Variants in SERPINB7 observed in about 807,000 individuals in gnomAD.
SERPINB7 encodes serpin family B member 7.
Under a neutral mutation model 37.4 loss-of-function variants are expected in SERPINB7, and 31 were observed. The ratio of observed to expected loss-of-function variants is 0.83; its 90% CI spans 0.62 to 1.12. SERPINB7 has a LOEUF of 1.12. Among genes scored for constraint, SERPINB7 ranks in the 50% most tolerant of loss-of-function variants. The pLI is 0.00. For synonymous variants in SERPINB7, 163 were observed against 166.1 expected, an observed-to-expected ratio of 0.98 and a Z score of 0.14; for missense variants, 521 against 455.3, an observed-to-expected ratio of 1.14 and a Z score of -1.31.
chr18:63,793,013 T>C (rs2049444972), intron 3 of SERPINB7, 148 bp from the exon 4 acceptor site: 1 of 423,270 alleles, frequency 2.4e-6, no homozygotes, highest in Non-Finnish European at 4.2e-6. Flanking sequence ...GGGTAAGACA[T>C]AGATGTATGT....
intron 2 of SERPINB7, among the ~76,000 whole-genome samples, chr18:63,787,821 C>A (rs1425574784): frequency 6.6e-6 from 1 of 152,290 alleles, no homozygotes; most frequent in East Asian, 1.9e-4. Context: ...CAGTCACAGT[C>A]CACATAATGA....
chr18:63,787,791 T>C (rs569098269), intron 2 of SERPINB7, among the ~76,000 whole-genome samples: 4 of 152,356 alleles, frequency 2.6e-5, no homozygotes, highest in South Asian at 4.1e-4. Flanking sequence ...CATGAATTAC[T>C]ACATTCTTTT....
intron 1 of SERPINB7, among the ~76,000 whole-genome samples, chr18:63,776,250 A>G (rs1247664168): frequency 1.3e-5 from 2 of 152,084 alleles, no homozygotes; most frequent in African/African-American, 4.8e-5. Context: ...CATACAATTT[A>G]ATAATAGAAC....
chr18:63,793,597 TG>T, intron 4 of SERPINB7, among the ~76,000 whole-genome samples: 1 of 152,162 alleles, frequency 6.6e-6, no homozygotes, highest in East Asian at 1.9e-4. Context: ...AAACACATTC[TG>T]GGTTCAAGCA....
At chr18:63,786,206 ACG>A (rs1461659697) in intron 2 of SERPINB7, among the ~76,000 whole-genome samples, 4 of 93,926 alleles carry the variant, frequency 4.3e-5, no homozygotes, top group African/African-American at 1.1e-4. Flanking sequence ...CATGGCACAT[ACG>A]TGTATATATA....
chr18:63,800,779 G>T, intron 6 of SERPINB7, 87 bp from the exon 7 acceptor site: 1 of 1,443,066 alleles, frequency 6.9e-7, no homozygotes, highest in South Asian at 1.4e-5. Context: ...AAAATTTATT[G>T]ACCAAGTACA....
At chr18:63,758,280 T>C (rs977183495) in intron 1 of SERPINB7, among the ~76,000 whole-genome samples, 1 of 152,180 alleles carries the variant, frequency 6.6e-6, no homozygotes, top group Non-Finnish European at 1.5e-5. Flanking sequence ...TAACTAATTA[T>C]GGCCAGAAGC....
At chr18:63,794,360 A>G (rs1199357882) in intron 4 of SERPINB7, among the ~76,000 whole-genome samples, 2 of 151,904 alleles carry the variant, frequency 1.3e-5, no homozygotes, top group Non-Finnish European at 2.9e-5. Flanking sequence ...TGCATGTATC[A>G]ATCTCTTGCA....
chr18:63,767,878 T>C (rs188247509), intron 1 of SERPINB7, among the ~76,000 whole-genome samples: 4 of 152,192 alleles, frequency 2.6e-5, no homozygotes, highest in African/African-American at 7.2e-5. Flanking sequence ...TTGTTTAATA[T>C]GGGGTGAGTT....
At position 63,782,431 on chromosome 18, in the gene SERPINB7, A is replaced by ATGACAATCAAGGAAATGGAAATGTGT. The variant is rs770280271; in HGVS notation, c.61_86dup (p.Phe29LeufsTer14). The stretch of plus-strand genomic sequence containing the variant: ...TGCTTCAACCTGTTCAGAGAGATGG[A>ATGACAATCAAGGAAATGGAAATGTGT]TGACAATCAAGGAAATGGAAATGTG... On this transcript the variant is annotated frameshift_variant, in exon 2 of 8. Coordinates refer to ENST00000398019, the MANE Select transcript of SERPINB7 (RefSeq NM_003784.4). LOFTEE classifies it high-confidence loss of function. 1 of 1,614,204 alleles carries ATGACAATCAAGGAAATGGAAATGTGT rather than the reference A, an allele frequency of 6.2e-7. No homozygotes were observed. Among genetic ancestry groups the ATGACAATCAAGGAAATGGAAATGTGT allele is most frequent in the Non-Finnish European group, 8.5e-7 (1 of 1,180,030 alleles).
At position 63,793,241 on chromosome 18, in the gene SERPINB7, T is replaced by C. The variant is rs769569351; in HGVS notation, c.300T>C (p.Asn100=). Residue 100 remains asparagine (N), a synonymous_variant, in exon 4 of 8, where the codon AAT becomes AAC. Transcript: ENST00000398019. ...SHKDYDLSIV[N]GLFAEKVYGF... ...AGGATTATGATCTCAGCATTGTGAATGGGCTTTTTGCTGAAAAAGTGTATG... is the reference window on the plus strand; with the variant it reads ...AGGATTATGATCTCAGCATTGTGAACGGGCTTTTTGCTGAAAAAGTGTATG... 9.3e-6 allele frequency: 15 copies of C among 1,606,440 alleles called. No individual in the cohort carries two copies. The highest frequency in any genetic ancestry group is 1.2e-5 in the Non-Finnish European group (14 of 1,175,478).
intron 1 of SERPINB7, among the ~76,000 whole-genome samples, chr18:63,767,544 T>C (rs1198215068): frequency 6.6e-6 from 1 of 152,112 alleles, no homozygotes; most frequent in Non-Finnish European, 1.5e-5. Context: ...TTCCTTGGAG[T>C]GTTAATAGAT....
At chr18:63,781,651 G>T (rs962662427) in intron 1 of SERPINB7, among the ~76,000 whole-genome samples, 14 of 152,176 alleles carry the variant, frequency 9.2e-5, no homozygotes, top group Non-Finnish European at 1.6e-4. Context: ...ACAACATCAT[G>T]AATTTGAAGA....
At position 63,800,832 on chromosome 18, in the gene SERPINB7, G is replaced by T. The variant is rs760151570; in HGVS notation, c.598-34G>T. The T allele has an allele frequency of 3.1e-6, 5 of 1,608,530 alleles. No homozygotes were observed. In the South Asian group the frequency reaches 3.3e-5, roughly 11 times the overall value. On this transcript the variant is annotated intron_variant, in intron 6 of 7. Coordinates refer to ENST00000398019, the MANE Select transcript of SERPINB7 (RefSeq NM_003784.4). ...TGGTTAATAAAGTAAAATGAGGTGGGATCATAAATAATTTTTTGTGACTTG... is the reference window on the plus strand; with the variant it reads ...TGGTTAATAAAGTAAAATGAGGTGGTATCATAAATAATTTTTTGTGACTTG...
At chr18:63,797,991 T>A (rs2049506026) in intron 5 of SERPINB7, among the ~76,000 whole-genome samples, 1 of 152,234 alleles carries the variant, frequency 6.6e-6, no homozygotes, top group African/African-American at 2.4e-5. Flanking sequence ...GTGACTTTAA[T>A]CTGTGCTCCC....
intron 1 of SERPINB7, among the ~76,000 whole-genome samples, chr18:63,770,170 GTGGGGTTA>G (rs2144593770): frequency 6.6e-6 from 1 of 150,926 alleles, no homozygotes; most frequent in South Asian, 2.1e-4. Context: ...TCTGCTTGTA[GTGGGGTTA>G]TTATCATCCA....
intron 1 of SERPINB7, among the ~76,000 whole-genome samples, chr18:63,768,542 C>T (rs912544486): frequency 6.6e-6 from 1 of 152,068 alleles, no homozygotes; most frequent in African/African-American, 2.4e-5. Flanking sequence ...TGCCTTTTCC[C>T]TTTCAGTGAG....
At chr18:63,777,760 A>C (rs1360578283) in intron 1 of SERPINB7, 2 of 152,272 alleles carry the variant, frequency 1.3e-5, no homozygotes, top group Admixed American at 1.3e-4. Context: ...TATATTTCAG[A>C]GTAATGCAAA....
At chr18:63,792,534 G>A (rs568514419) in intron 3 of SERPINB7, 91 bp downstream of exon 3, 42 of 833,186 alleles carry the variant, frequency 5.0e-5, no homozygotes, top group Non-Finnish European at 6.9e-5. Context: ...AGGCTGAGGC[G>A]GGTGGATGAC....
Sources: gnomAD v4.1 joint callset for allele counts (sites outside exome capture counted in the v4.1 genomes callset) on GRCh38, gnomAD v4.1.1 for gene constraint, MANE v1.5 for transcripts, NCBI Gene and HGNC (gene_info 2026-07-23, HGNC 2026-07-21) for gene names.